SPI1: variants seen among roughly 807,000 people sequenced by gnomAD.
SPI1 encodes the protein Spi-1 proto-oncogene.
In SPI1, 3 loss-of-function variants were observed where a neutral mutation model predicts 30.7. The observed-to-expected ratio is 0.10, with a 90% CI of 0.04 to 0.25. The LOEUF is 0.25. SPI1 is among the 10% of genes least tolerant of loss of function. SPI1 has a pLI of 1.00. For missense variants in SPI1, 261 were observed against 371.5 expected (o/e 0.70, Z 2.45); for synonymous variants, 169 against 157.1 (o/e 1.08, Z -0.56).
At chr11:47,357,817 C>T (rs1368447622) in intron 4 of SPI1, among the ~76,000 whole-genome samples, 1 of 152,178 alleles carries the variant, frequency 6.6e-6, no homozygotes, top group Non-Finnish European at 1.5e-5. Context: ...CCGCCTGCCT[C>T]AGCCTCCCAA....
rs2095945146 is a variant in SPI1 at position 47,378,341 on chromosome 11, A to C, written c.13T>G (p.Cys5Gly). The C allele has an allele frequency of 6.2e-7, 1 of 1,613,220 alleles. No individual in the cohort carries two copies. The highest frequency in any genetic ancestry group is 1.3e-5 in the African/African-American group (1 of 74,800). The change falls in exon 1 of 5, where the codon TGC becomes GGC. Residue 5 changes from cysteine to glycine, a missense_variant. Transcript: ENST00000378538. ...ACGAGGGGAAACCCTTCCATTTTGC[A>C]CGCCTGTAACATCCAGCCGGGCTCC... MLQA[C>G]KMEGFPLVPP...
In SPI1 at chr11:47,374,169, G is replaced by A. The variant is rs1056416362; in HGVS notation, c.142+1464C>T. ...GGGAAGGTGGGTGCGTGGTCTCTGG[G>A]TCCCCCAGACCGGGCTCTTCACTCT... On this transcript the variant is annotated intron_variant, in intron 2 of 4. Coordinates refer to ENST00000378538, the MANE Select transcript of SPI1 (RefSeq NM_003120.3). The surrounding 1 kb of genome is among the most constrained non-coding windows in gnomAD (Gnocchi z 4.5). Among the ~76,000 whole-genome samples the A allele has an allele frequency of 6.4e-4, 97 of 152,316 alleles. 1 individual carries two copies. The highest frequency in any genetic ancestry group is 1.9e-3 in the African/African-American group (79 of 41,574).
At chr11:47,372,159 C>G (rs1463229900) in intron 2 of SPI1, among the ~76,000 whole-genome samples, 2 of 148,080 alleles carry the variant, frequency 1.4e-5, no homozygotes, top group Non-Finnish European at 3.0e-5. Context: ...GGTTGGAGTT[C>G]AGTGGCGCGA....
At chr11:47,360,802 C>T (rs1477941747) in intron 2 of SPI1, among the ~76,000 whole-genome samples, 3 of 112,208 alleles carry the variant, frequency 2.7e-5, no homozygotes, top group Non-Finnish European at 3.6e-5. Flanking sequence ...TCCAGCCTGG[C>T]GACAGAGTGA....
chr11:47,355,326 C>A lies in SPI1; in HGVS notation c.714G>T (p.Thr238=). The change falls in exon 5 of 5, where the codon ACG becomes ACT. Residue 238 remains threonine (T), a synonymous_variant. Transcript: ENST00000378538. ...TCTTCTTCACCTTCTTGACCTCGCCCGTCTTGCCGTAGTTGCGCAGCGCGC... is the reference window on the plus strand; with the variant it reads ...TCTTCTTCACCTTCTTGACCTCGCCAGTCTTGCCGTAGTTGCGCAGCGCGC... ...MARALRNYGK[T]GEVKKVKKKL... is the part of the protein sequence containing the mutation. 1.2e-6 allele frequency: 2 copies of A among 1,612,416 alleles called. No homozygotes were observed. Among genetic ancestry groups the A allele is most frequent in the East Asian group, 4.5e-5 (2 of 44,804 alleles).
intron 2 of SPI1, among the ~76,000 whole-genome samples, chr11:47,366,372 C>G (rs571630947): frequency 6.6e-6 from 1 of 152,130 alleles, no homozygotes; most frequent in Non-Finnish European, 1.5e-5. Flanking sequence ...TTCAGCTGAC[C>G]TTATCTCCTC....
intron 4 of SPI1, among the ~76,000 whole-genome samples, chr11:47,356,772 C>T (rs1392358031): frequency 6.6e-6 from 1 of 151,082 alleles, no homozygotes; most frequent in Non-Finnish European, 1.5e-5. Context: ...CATATGATCG[C>T]ACCTACCCAC....
chr11:47,376,482 G>C (rs1057171109), intron 1 of SPI1, among the ~76,000 whole-genome samples: 1 of 152,010 alleles, frequency 6.6e-6, no homozygotes, highest in Admixed American at 6.6e-5. Context: ...CTTAGGGGCC[G>C]AGCGCATGGA....
chr11:47,378,436 G>A lies in SPI1; in HGVS notation c.-83C>T. ...CCTCAGGATGGGGTGCCCCGTCAGG[G>A]GCTGGACGGTCGTGGGGCGGGTGCA... On this transcript the variant is annotated 5_prime_UTR_variant, in exon 1 of 5. Coordinates refer to ENST00000378538, the MANE Select transcript of SPI1 (RefSeq NM_003120.3). 6.7e-7 allele frequency: 1 copy of A among 1,496,010 alleles called. No homozygotes were observed. Among genetic ancestry groups the A allele is most frequent in the East Asian group, 2.4e-5 (1 of 41,220 alleles). 92.7% of individuals were successfully genotyped at this position (1,496,010 alleles called of 1,614,324 possible).
rs762438271 is a variant in SPI1 at position 47,374,500 on chromosome 11, C to T, written c.142+1133G>A. Among the ~76,000 whole-genome samples the T allele has an allele frequency of 1.3e-5, 2 of 152,106 alleles. No homozygotes were observed. Among genetic ancestry groups the T allele is most frequent in the African/African-American group, 2.4e-5 (1 of 41,394 alleles). On this transcript the variant is annotated intron_variant, in intron 2 of 4. Transcript: ENST00000378538. The surrounding 1 kb of genome is among the most constrained non-coding windows in gnomAD (Gnocchi z 4.5). ...CTAGCTGGGCCCATCAGGTTTAGAC[C>T]GCCACAGGTGCATCTGCAGAATGGA...
At chr11:47,357,652 A>T (rs922070923) in intron 4 of SPI1, among the ~76,000 whole-genome samples, 2 of 151,902 alleles carry the variant, frequency 1.3e-5, no homozygotes, top group Non-Finnish European at 2.9e-5. Flanking sequence ...TGCAACCTCC[A>T]CCTCCCGGGT....
At chr11:47,357,909 T>C (rs1429775990) in intron 4 of SPI1, among the ~76,000 whole-genome samples, 1 of 151,074 alleles carries the variant, frequency 6.6e-6, no homozygotes, top group Non-Finnish European at 1.5e-5. Context: ...CACACCTGCT[T>C]TCACACATAC....
Position 47,357,031 on chromosome 11 carries a change from TCA to T in SPI1, c.494-1487_494-1486del, listed in dbSNP as rs1000355167. Among the ~76,000 whole-genome samples the T allele has an allele frequency of 1.2e-3, 186 of 148,984 alleles. 1 individual carries two copies. The highest frequency in any genetic ancestry group is 7.0e-3 in the Middle Eastern group (2 of 286). On this transcript the variant is annotated intron_variant, in intron 4 of 4. Coordinates refer to ENST00000378538, the MANE Select transcript of SPI1 (RefSeq NM_003120.3). ...TTCCTCACACACCTCACACCAAGTC[TCA>T]CACACACTTATGCTTACAAACTCAT...
In SPI1 at chr11:47,375,767, G is replaced by A. The variant is rs1361891788; in HGVS notation, c.46-38C>T. On this transcript the variant is annotated intron_variant, in intron 1 of 4. Coordinates refer to ENST00000378538, the MANE Select transcript of SPI1 (RefSeq NM_003120.3). The surrounding 1 kb of genome is among the most constrained non-coding windows in gnomAD (Gnocchi z 4.2). ...GAGGTGTCAGGGCCTGCACCATGGT[G>A]GGAGACCCCAGCCAGGCCTGCAGCA... The A allele has an allele frequency of 5.2e-6, 8 of 1,551,710 alleles. No homozygotes were observed. In the East Asian group the frequency reaches 1.3e-4, roughly 26 times the overall value.
At chr11:47,372,897 G>A (rs917100179) in intron 2 of SPI1, among the ~76,000 whole-genome samples, 1 of 152,202 alleles carries the variant, frequency 6.6e-6, no homozygotes, top group Non-Finnish European at 1.5e-5. Context: ...CTTGCCCCAA[G>A]TTTTCACAGC....
intron 2 of SPI1, among the ~76,000 whole-genome samples, chr11:47,369,201 G>A (rs1158338150): frequency 6.6e-6 from 1 of 152,148 alleles, no homozygotes; most frequent in Non-Finnish European, 1.5e-5. Flanking sequence ...GCAGTGAGCC[G>A]AGATCACGCC....
chr11:47,371,547 A>G (rs1595862654), intron 2 of SPI1, among the ~76,000 whole-genome samples: 1 of 148,826 alleles, frequency 6.7e-6, no homozygotes, highest in Non-Finnish European at 1.5e-5. Context: ...CACACCTGTA[A>G]TCCCAGCTAC....
In SPI1 at chr11:47,374,492, G is replaced by T. The variant is rs2095939819; in HGVS notation, c.142+1141C>A. Among the ~76,000 whole-genome samples the T allele has an allele frequency of 6.6e-6, 1 of 152,174 alleles. No homozygotes were observed. Among genetic ancestry groups the T allele is most frequent in the African/African-American group, 2.4e-5 (1 of 41,428 alleles). On this transcript the variant is annotated intron_variant, in intron 2 of 4. Transcript: ENST00000378538. This position sits in a 1 kb window ranked among gnomAD's most constrained non-coding sequence, Gnocchi z 4.5. ...GTGGATCCCTAGCTGGGCCCATCAG[G>T]TTTAGACCGCCACAGGTGCATCTGC...
intron 1 of SPI1, among the ~76,000 whole-genome samples, chr11:47,377,660 C>G (rs536955859): frequency 5.9e-5 from 9 of 152,238 alleles, no homozygotes; most frequent in African/African-American, 1.9e-4. Context: ...TGTCCCCTGC[C>G]GCGCCTCTCC....
Sources: allele counts gnomAD v4.1 joint callset (sites outside exome capture counted in the v4.1 genomes callset), GRCh38; gene constraint gnomAD v4.1.1; non-coding constraint Gnocchi (gnomAD v3.1); transcripts MANE v1.5; gene names NCBI Gene and HGNC (gene_info 2026-07-23, HGNC 2026-07-21).